TASP1: variants seen among roughly 807,000 people sequenced by gnomAD.
TASP1 encodes threonine aspartase 1.
In TASP1, 16 loss-of-function variants were observed where a neutral mutation model predicts 56.6. The ratio of observed to expected loss-of-function variants is 0.28; its 90% CI spans 0.19 to 0.43. The LOEUF (loss-of-function observed/expected upper bound fraction) is 0.43. TASP1 is among the 20% of genes least tolerant of loss of function. The pLI is 1.00. For synonymous variants in TASP1, 179 were observed against 184.2 expected (o/e 0.97, Z 0.23); for missense variants, 393 against 511.6 (o/e 0.77, Z 2.24).
At chr20:13,574,526 A>G (rs1456969383) in intron 6 of TASP1, among the ~76,000 whole-genome samples, 1 of 152,236 alleles carries the variant, frequency 6.6e-6, no homozygotes, top group Non-Finnish European at 1.5e-5. Context: ...AATAACAAAG[A>G]TAACAGAATT....
the TASP1 span, among the ~76,000 whole-genome samples, chr20:13,175,700 G>A: frequency 6.6e-6 from 1 of 152,226 alleles, no homozygotes; most frequent in South Asian, 2.1e-4. Context: ...ACTTAAACAT[G>A]TTCTGTGCTG....
the TASP1 span, chr20:13,222,002 G>C: frequency 1.7e-6 from 2 of 1,195,134 alleles, no homozygotes; most frequent in African/African-American, 1.6e-5. Flanking sequence ...TGGATGCAGG[G>C]AGGCAGGTCC....
In TASP1 at chr20:13,619,595, T is replaced by C. The variant is rs143226375; in HGVS notation, c.282+3851A>G. 3.7e-3 allele frequency among the ~76,000 whole-genome samples: 566 copies of C among 152,300 alleles called. 1 individual carries two copies. Among genetic ancestry groups the C allele is most frequent in the Non-Finnish European group, 6.8e-3 (460 of 68,024 alleles). On this transcript the variant is annotated intron_variant, in intron 4 of 13. Transcript: ENST00000337743. ...TCAAAAAAGAAATTCACATCACAAG[T>C]TACACCATGTGAAATATGCAAAATT... is the stretch of plus-strand genomic sequence containing the variant.
chr20:13,344,177 A>G, the TASP1 span, among the ~76,000 whole-genome samples: 1 of 152,078 alleles, frequency 6.6e-6, no homozygotes, highest in African/African-American at 2.4e-5. Flanking sequence ...GGGGAGAAGC[A>G]TGACCTCTAG....
chr20:13,489,958 A>C (rs2043464248), intron 10 of TASP1, among the ~76,000 whole-genome samples: 1 of 152,206 alleles, frequency 6.6e-6, no homozygotes, highest in African/African-American at 2.4e-5. Context: ...ATGCATTCTT[A>C]AACTATATAC....
At chr20:13,627,409 C>T (rs183419062) in intron 2 of TASP1, among the ~76,000 whole-genome samples, 1 of 152,308 alleles carries the variant, frequency 6.6e-6, no homozygotes, top group East Asian at 1.9e-4. Context: ...TGCTGACCCC[C>T]AGCACCAACC....
chr20:13,254,622 C>G, the TASP1 span, among the ~76,000 whole-genome samples: 3 of 152,106 alleles, frequency 2.0e-5, no homozygotes, highest in African/African-American at 7.2e-5. Flanking sequence ...AGCACAGTCT[C>G]TATATTCTCT....
the TASP1 span, among the ~76,000 whole-genome samples, chr20:13,311,172 C>A: frequency 1.3e-5 from 2 of 150,276 alleles, no homozygotes; most frequent in African/African-American, 4.9e-5. Flanking sequence ...CCAGCCTGGG[C>A]AACAAGAGTG....
intron 11 of TASP1, among the ~76,000 whole-genome samples, chr20:13,482,101 TGA>T (rs1482748689): frequency 1.3e-5 from 2 of 152,176 alleles, no homozygotes; most frequent in Middle Eastern, 3.2e-3. Flanking sequence ...TTGTATATGG[TGA>T]GAGACAGGAG....
At position 13,629,858 on chromosome 20, in the gene TASP1, G is replaced by A. The variant is rs1296758388; in HGVS notation, c.145+76C>T. The A allele has an allele frequency of 3.8e-6, 6 of 1,590,876 alleles. No homozygotes were observed. The East Asian group carries it at 9.1e-5, about 24-fold the overall frequency. On this transcript the variant is annotated intron_variant, in intron 2 of 13. Transcript: ENST00000337743. The stretch of plus-strand genomic sequence containing the variant: ...TTTGCCTCCTCCAAGTGTGAAATGT[G>A]ATTCTCAGTGTACTTCAAGGCAGAA...
chr20:13,218,790 A>G, the TASP1 span, among the ~76,000 whole-genome samples: 1 of 152,222 alleles, frequency 6.6e-6, no homozygotes, highest in Non-Finnish European at 1.5e-5. Context: ...GTGGGTGTTT[A>G]TCAATACTCG....
chr20:13,364,431 T>C, the TASP1 span, among the ~76,000 whole-genome samples: 9 of 151,832 alleles, frequency 5.9e-5, no homozygotes, highest in Non-Finnish European at 1.2e-4. Flanking sequence ...GAAGGAAGGG[T>C]ATGGAGAGTC....
At chr20:13,323,354 G>T in the TASP1 span, among the ~76,000 whole-genome samples, 2 of 152,186 alleles carry the variant, frequency 1.3e-5, no homozygotes, top group African/African-American at 4.8e-5. Flanking sequence ...AGGCAAGAAA[G>T]TTGGAATCAC....
intron 11 of TASP1, among the ~76,000 whole-genome samples, chr20:13,450,172 A>G (rs1052325917): frequency 6.6e-6 from 1 of 152,126 alleles, no homozygotes; most frequent in African/African-American, 2.4e-5. Context: ...TTAATTTAAA[A>G]GTACTTTTAT....
At chr20:13,499,762 T>A (rs999283974) in intron 10 of TASP1, among the ~76,000 whole-genome samples, 1 of 150,786 alleles carries the variant, frequency 6.6e-6, no homozygotes, top group African/African-American at 2.4e-5. Context: ...GCCAAAAAAA[T>A]GTAGTATATA....
intron 4 of TASP1, among the ~76,000 whole-genome samples, chr20:13,618,564 A>T (rs1244096482): frequency 6.6e-6 from 1 of 152,202 alleles, no homozygotes; most frequent in Non-Finnish European, 1.5e-5. Flanking sequence ...ACTTCCCTAG[A>T]GTTTACAAGC....
intron 11 of TASP1, among the ~76,000 whole-genome samples, chr20:13,453,969 G>A (rs2043728547): frequency 6.6e-6 from 1 of 151,810 alleles, no homozygotes; most frequent in African/African-American, 2.4e-5. Flanking sequence ...TGGAAAAGAT[G>A]AGGAAGATGA....
chr20:13,206,580 G>A, the TASP1 span, among the ~76,000 whole-genome samples: 1 of 152,090 alleles, frequency 6.6e-6, no homozygotes, highest in South Asian at 2.1e-4. Flanking sequence ...CAGGAGGGAG[G>A]AAGGCCTGCA....
At chr20:13,498,690 T>C (rs1262076109) in intron 10 of TASP1, among the ~76,000 whole-genome samples, 1 of 128,604 alleles carries the variant, frequency 7.8e-6, no homozygotes, top group African/African-American at 2.9e-5. Flanking sequence ...CCAACAAACA[T>C]ACCAAAAAAA....
Sources: allele counts gnomAD v4.1 joint callset (sites outside exome capture counted in the v4.1 genomes callset), GRCh38; gene constraint gnomAD v4.1.1; transcripts MANE v1.5; gene names NCBI Gene and HGNC (gene_info 2026-07-23, HGNC 2026-07-21).